DOCK8: variants seen among roughly 807,000 people sequenced by gnomAD.
DOCK8 encodes the protein dedicator of cytokinesis protein 8.
DOCK8 carries 141 observed loss-of-function variants against 245.6 expected under a neutral mutation model. The ratio of observed to expected loss-of-function variants is 0.57; its 90% CI spans 0.50 to 0.66. DOCK8 has a LOEUF of 0.66. Among genes scored for constraint, DOCK8 ranks in the 30% least tolerant of loss-of-function variants. DOCK8 has a pLI of 0.00. For missense variants in DOCK8, 2,965 were observed against 2,603.4 expected, an observed-to-expected ratio of 1.14 and a Z score of -3.02; for synonymous variants, 1,168 against 970.2, an observed-to-expected ratio of 1.20 and a Z score of -3.79.
intron 26 of DOCK8, among the ~76,000 whole-genome samples, chr9:403,921 T>TAC (rs2055258344): frequency 1.3e-5 from 1 of 79,284 alleles, no homozygotes; most frequent in East Asian, 3.7e-4. Flanking sequence ...TATATACATA[T>TAC]ATATATATGT....
chr9:305,313 C>T (rs749938347), intron 5 of DOCK8, among the ~76,000 whole-genome samples: 24 of 151,246 alleles, frequency 1.6e-4, no homozygotes, highest in South Asian at 2.1e-4. Context: ...GACAGAGTCT[C>T]GCTCTGTCGC....
chr9:286,191 C>T lies in DOCK8; in HGVS notation c.157-270C>T, dbSNP rs150201396. 7.2e-4 allele frequency among the ~76,000 whole-genome samples: 110 copies of T among 152,250 alleles called. 1 individual carries two copies. Among genetic ancestry groups the T allele is most frequent in the African/African-American group, 2.6e-3 (106 of 41,526 alleles). On this transcript the variant is annotated intron_variant, in intron 2 of 47. Coordinates refer to ENST00000432829, the MANE Select transcript of DOCK8 (RefSeq NM_203447.4). Reference sequence around the variant, plus strand: ...CTCATTTTGGATCTCCTCAGGATTCCTCATCAAGTTGCAATTAAGGAGAGA... The same window carrying T: ...CTCATTTTGGATCTCCTCAGGATTCTTCATCAAGTTGCAATTAAGGAGAGA...
intron 46 of DOCK8, among the ~76,000 whole-genome samples, chr9:453,274 TACTC>T (rs1162555224): frequency 1.3e-5 from 2 of 152,370 alleles, no homozygotes; most frequent in South Asian, 2.1e-4. Context: ...TGTGTGAACA[TACTC>T]ACAGATTATC....
intron 28 of DOCK8, among the ~76,000 whole-genome samples, chr9:411,330 T>C (rs1410429013): frequency 1.3e-5 from 2 of 151,990 alleles, no homozygotes; most frequent in African/African-American, 4.8e-5. Context: ...GAAGAATCAT[T>C]TGAGACTGGA....
chr9:365,485 C>A, intron 14 of DOCK8: 1 of 417,644 alleles, frequency 2.4e-6, no homozygotes, highest in Non-Finnish European at 4.6e-6. Context: ...AAAAATCATG[C>A]CTTTAGAAGC....
At chr9:319,205 G>A (rs1470028125) in intron 7 of DOCK8, among the ~76,000 whole-genome samples, 4 of 152,118 alleles carry the variant, frequency 2.6e-5, no homozygotes, top group Non-Finnish European at 2.9e-5. Flanking sequence ...ATCGCTTGAG[G>A]CCAGGAGTTC....
chr9:403,888 CTCTCTA>C lies in DOCK8; in HGVS notation c.3235-1028_3235-1023del, dbSNP rs1430746935. Among the ~76,000 whole-genome samples, 144 of 85,022 alleles carry C rather than the reference CTCTCTA, an allele frequency of 1.7e-3. 1 individual carries two copies. The highest frequency in any genetic ancestry group is 5.4e-3 in the African/African-American group (73 of 13,418). 55.8% of individuals were successfully genotyped at this position (85,022 alleles called of 152,430 possible). Reference sequence around the variant, plus strand: ...TCTCTCTCTCTCTCTCTCTCTCTCTCTCTCTATATATATATATATATATATATACAT... The same window carrying C: ...TCTCTCTCTCTCTCTCTCTCTCTCTCTATATATATATATATATATATACAT... On this transcript the variant is annotated intron_variant, in intron 26 of 47. Coordinates refer to ENST00000432829, the MANE Select transcript of DOCK8 (RefSeq NM_203447.4).
chr9:352,908 G>A (rs2052245922), intron 14 of DOCK8, among the ~76,000 whole-genome samples: 1 of 152,022 alleles, frequency 6.6e-6, no homozygotes, highest in African/African-American at 2.4e-5. Context: ...TCCTCACCAT[G>A]TGTCATTCAG....
At chr9:344,188 C>T (rs564221573) in intron 14 of DOCK8, among the ~76,000 whole-genome samples, 1 of 152,190 alleles carries the variant, frequency 6.6e-6, no homozygotes, top group Admixed American at 6.5e-5. Context: ...GAAGAGATTT[C>T]TCTCCAGTTT....
chr9:313,197 C>T (rs548805077), intron 6 of DOCK8, among the ~76,000 whole-genome samples: 1 of 152,244 alleles, frequency 6.6e-6, no homozygotes, highest in Non-Finnish European at 1.5e-5. Flanking sequence ...TACTCACCAT[C>T]TAGCACCTTC....
chr9:231,516 A>G (rs1357320033), intron 1 of DOCK8, among the ~76,000 whole-genome samples: 2 of 152,126 alleles, frequency 1.3e-5, no homozygotes, highest in Non-Finnish European at 2.9e-5. Context: ...CACGATATTG[A>G]TTCTTCCTAC....
intron 1 of DOCK8, among the ~76,000 whole-genome samples, chr9:219,222 C>A (rs1297340030): frequency 6.6e-6 from 1 of 152,198 alleles, no homozygotes; most frequent in Non-Finnish European, 1.5e-5. Context: ...GTAATCTCAG[C>A]ATTTTGGGAG....
intron 33 of DOCK8, among the ~76,000 whole-genome samples, chr9:424,988 G>A (rs543455732): frequency 9.2e-5 from 14 of 152,144 alleles, no homozygotes; most frequent in East Asian, 7.7e-4. Context: ...TGAAAAATAC[G>A]CACCAGATTT....
chr9:394,805 C>G (rs1464172343), intron 24 of DOCK8, among the ~76,000 whole-genome samples: 2 of 152,228 alleles, frequency 1.3e-5, no homozygotes, highest in Non-Finnish European at 2.9e-5. Flanking sequence ...GGCCAGGCCT[C>G]CACTAGTGTT....
At chr9:318,828 A>G (rs1239817458) in intron 7 of DOCK8, among the ~76,000 whole-genome samples, 1 of 152,210 alleles carries the variant, frequency 6.6e-6, no homozygotes, top group Non-Finnish European at 1.5e-5. Context: ...CTGCCCCGAC[A>G]GGATGCATCA....
chr9:325,718 A>C lies in DOCK8; in HGVS notation c.875A>C (p.Asp292Ala). 1 of 1,614,050 alleles carries C rather than the reference A, an allele frequency of 6.2e-7. No homozygotes were observed. Among genetic ancestry groups the C allele is most frequent in the Non-Finnish European group, 8.5e-7 (1 of 1,179,928 alleles). The change falls in exon 8 of 48, where the codon GAT becomes GCT. Residue 292 changes from aspartate to alanine, a missense_variant. Asp to Ala is a moderately radical substitution (Grantham distance 126). Transcript: ENST00000432829. Reference sequence around the variant, plus strand: ...CTGTTTGCCAGCATTGCCCTCTACGATGTTAAAGAAAGGAAAAAGGTAAGA... The same window carrying C: ...CTGTTTGCCAGCATTGCCCTCTACGCTGTTAAAGAAAGGAAAAAGGTAAGA... Reference protein sequence around the residue: ...EPLFASIALYDVKERKKISEN... With the variant: ...EPLFASIALYAVKERKKISEN...
chr9:433,801 C>A, intron 37 of DOCK8, 74 bp from the exon 38 acceptor site: 1 of 1,255,618 alleles, frequency 8.0e-7, no homozygotes, highest in Non-Finnish European at 1.2e-6. Context: ...CTTCCCCTTG[C>A]ATTTCAATGT....
chr9:416,816 T>G (rs1220642771), intron 29 of DOCK8, among the ~76,000 whole-genome samples: 1 of 152,238 alleles, frequency 6.6e-6, no homozygotes, highest in Non-Finnish European at 1.5e-5. Context: ...TAAAAGCATT[T>G]TGCACAGCAC....
chr9:455,458 C>T (rs2057605485), intron 46 of DOCK8, among the ~76,000 whole-genome samples: 7 of 152,172 alleles, frequency 4.6e-5, no homozygotes, highest in Admixed American at 4.6e-4. Flanking sequence ...TGCAATGAGC[C>T]ATGATCGTGC....
Sources: allele counts gnomAD v4.1 joint callset (sites outside exome capture counted in the v4.1 genomes callset), GRCh38; gene constraint gnomAD v4.1.1; transcripts MANE v1.5; gene names NCBI Gene and HGNC (gene_info 2026-07-23, HGNC 2026-07-21).